Variants in CCDC97 observed in about 807,000 individuals in gnomAD.
CCDC97 encodes the protein coiled-coil domain-containing protein 97.
CCDC97 carries 27 observed loss-of-function variants against 33.9 expected under a neutral mutation model. The observed-to-expected ratio is 0.80, with a 90% confidence interval of 0.59 to 1.10. The LOEUF (loss-of-function observed/expected upper bound fraction) is 1.10, where lower values mean the gene tolerates loss of function less well. Ranked by LOEUF, CCDC97 falls within the 50% of genes least tolerant of loss-of-function variation. The probability of loss-of-function intolerance (pLI) is 0.00; values close to 1 mark genes in which losing one functional copy is unlikely to be tolerated. For synonymous variants in CCDC97, 217 were observed against 194.0 expected, an observed-to-expected ratio of 1.12 and a Z score of -0.99; for missense variants, 422 against 476.6, an observed-to-expected ratio of 0.89 and a Z score of 1.07.
Position 41,324,261 on chromosome 19 carries a change from T to G in CCDC97, c.*1546T>G, listed in dbSNP as rs889028996. The G allele has an allele frequency of 9.2e-5, 14 of 152,324 alleles. No individual in the cohort carries two copies. The highest frequency in any genetic ancestry group is 3.4e-4 in the African/African-American group (14 of 41,554). The allele number at this position is 152,324 out of a possible 1,614,324, so 9.4% of individuals were successfully genotyped here. ...AAGTGCCTGACACCGGGTTGGATCC[T>G]CAGATGGCCCCATGAACTAGTGAAG... On this transcript the variant is annotated 3_prime_UTR_variant, in exon 5 of 5. Transcript: ENST00000269967.
At chr19:41,320,001 C>T (rs2037802719) in intron 3 of CCDC97, 149 bp downstream of exon 3, 9 of 607,094 alleles carry the variant, frequency 1.5e-5, no homozygotes, top group Non-Finnish European at 2.6e-5. Context: ...CTGTGTATGC[C>T]CTTCCAACCG....
chr19:41,316,322 C>A (rs11667158), intron 1 of CCDC97, 62 bp from the exon 2 acceptor site: 1 of 1,336,756 alleles, frequency 7.5e-7, no homozygotes, highest in South Asian at 1.3e-5. Context: ...GAGTGAGTGA[C>A]TAAGCCCCCA....
chr19:41,319,060 G>A (rs761737225), intron 2 of CCDC97, among the ~76,000 whole-genome samples: 69 of 152,348 alleles, frequency 4.5e-4, no homozygotes, highest in Admixed American at 8.5e-4. Context: ...GGACATGTGT[G>A]TGTACATAGG....
rs1047692209 is a variant in CCDC97 at position 41,318,384 on chromosome 19, G to A, written c.503-1190G>A. On this transcript the variant is annotated intron_variant, in intron 2 of 4. Transcript: ENST00000269967. Reference sequence around the variant, plus strand: ...GGAGAATCACTTGAACCCGGGAGGCGGAGGTTGCAGTTAGAGTTAATCGAG... The same window carrying A: ...GGAGAATCACTTGAACCCGGGAGGCAGAGGTTGCAGTTAGAGTTAATCGAG... Among the ~76,000 whole-genome samples the A allele has an allele frequency of 3.3e-5, 5 of 152,260 alleles. No individual in the cohort carries two copies. In the South Asian group the frequency reaches 6.2e-4, roughly 19 times the overall value.
chr19:41,313,674 G>C (rs1203882733), intron 1 of CCDC97, among the ~76,000 whole-genome samples: 1 of 152,106 alleles, frequency 6.6e-6, no homozygotes, highest in Non-Finnish European at 1.5e-5. Context: ...GTCTCACCAA[G>C]GTTTGCCCAG....
intron 2 of CCDC97, among the ~76,000 whole-genome samples, chr19:41,319,350 T>C (rs1302777206): frequency 1.3e-5 from 2 of 152,136 alleles, no homozygotes; most frequent in South Asian, 2.1e-4. Flanking sequence ...TTCACGTGCA[T>C]GCCTCAGGCG....
At chr19:41,319,944 A>C in intron 3 of CCDC97, 92 bp downstream of exon 3, 4 of 660,718 alleles carry the variant, frequency 6.1e-6, no homozygotes, top group Non-Finnish European at 1.0e-5. Flanking sequence ...TGGGCCCCCA[A>C]CCTGCAAAAG....
At position 41,310,175 on chromosome 19, in the gene CCDC97, C is replaced by G. The variant is rs2037661647; in HGVS notation, c.-136C>G. 7.9e-7 allele frequency: 1 copy of G among 1,269,082 alleles called. No homozygotes were observed. The highest frequency in any genetic ancestry group is 1.3e-5 in the South Asian group (1 of 74,312). 78.6% of individuals were successfully genotyped at this position (1,269,082 alleles called of 1,614,324 possible). A position where few individuals can be genotyped will look rare whatever the true frequency, so the allele number is the denominator to read the frequency against. On this transcript the variant is annotated 5_prime_UTR_variant, in exon 1 of 5. Transcript: ENST00000269967. ...TGCGCAATGCAACGTCTGCCTTAGG[C>G]CCGGAACTTCGGTGCCTGGGCGCAG...
At chr19:41,312,786 G>A (rs536601471) in intron 1 of CCDC97, among the ~76,000 whole-genome samples, 1 of 151,846 alleles carries the variant, frequency 6.6e-6, no homozygotes, top group Admixed American at 6.6e-5. Context: ...CCCTTTTGAC[G>A]TTGCCTTCTT....
rs780593442 is a variant in CCDC97 at position 41,322,664 on chromosome 19, T to C, written c.981T>C (p.Phe327=). The change falls in exon 5 of 5, where the codon TTT becomes TTC. Residue 327 remains phenylalanine (F), a synonymous_variant. Transcript: ENST00000269967. ...CACGGGATGAGGAGGAGAGGTACTT[T>C]GATGAGGAAGAACCTGAGGATGCGC... ...IVARDEEERY[F]DEEEPEDAPS... is the part of the protein sequence containing the mutation. 1.2e-6 allele frequency: 2 copies of C among 1,612,992 alleles called. No individual in the cohort carries two copies. Among genetic ancestry groups the C allele is most frequent in the South Asian group, 2.2e-5 (2 of 91,016 alleles).
In CCDC97 at chr19:41,323,545, C is replaced by G. The variant is rs1431380964; in HGVS notation, c.*830C>G. 6.5e-6 allele frequency: 1 copy of G among 153,260 alleles called. No homozygotes were observed. Among genetic ancestry groups the G allele is most frequent in the African/African-American group, 2.4e-5 (1 of 41,418 alleles). 9.5% of individuals were successfully genotyped at this position (153,260 alleles called of 1,614,324 possible). A position where few individuals can be genotyped will look rare whatever the true frequency, so the allele number is the denominator to read the frequency against. On this transcript the variant is annotated 3_prime_UTR_variant, in exon 5 of 5. Coordinates refer to ENST00000269967, the MANE Select transcript of CCDC97 (RefSeq NM_052848.3). ...AGGATGGGGGCAGCTCTCTTCTCTC[C>G]CCAGGACCCAGGCTGTGGATCACGG...
At chr19:41,317,330 C>T (rs2037760945) in intron 2 of CCDC97, among the ~76,000 whole-genome samples, 1 of 152,104 alleles carries the variant, frequency 6.6e-6, no homozygotes, top group Non-Finnish European at 1.5e-5. Flanking sequence ...TCCTTGTGAC[C>T]ACAACACCAG....
At chr19:41,311,701 T>TA (rs1253722558) in intron 1 of CCDC97, among the ~76,000 whole-genome samples, 1 of 151,644 alleles carries the variant, frequency 6.6e-6, no homozygotes, top group Non-Finnish European at 1.5e-5. Context: ...CGCACCACTG[T>TA]ACTCCAGTCT....
chr19:41,321,970 C>A (rs1004606138), intron 4 of CCDC97, among the ~76,000 whole-genome samples: 1 of 152,176 alleles, frequency 6.6e-6, no homozygotes, highest in Non-Finnish European at 1.5e-5. Flanking sequence ...CCAGTGATGA[C>A]GTCAAAATGT....
At chr19:41,322,479 T>G in intron 4 of CCDC97, 116 bp from the exon 5 acceptor site, 1 of 1,122,408 alleles carries the variant, frequency 8.9e-7, no homozygotes, top group East Asian at 2.5e-5. Context: ...CTTGGGAGGG[T>G]CAGCTCTGAC....
In CCDC97 at chr19:41,320,434, G is replaced by A. The variant is rs372224178; in HGVS notation, c.875G>A (p.Arg292His). ...GAGTTCACCAGCCGCATGCACCAGCGCTTCCTAGATGGCAAGGACGGGGAC... is the reference window on the plus strand; with the variant it reads ...GAGTTCACCAGCCGCATGCACCAGCACTTCCTAGATGGCAAGGACGGGGAC... ...REEFTSRMHQ[R>H]FLDGKDGDFD... is the part of the protein sequence containing the mutation. The change falls in exon 4 of 5, where the codon CGC (arginine) becomes CAC (histidine). Residue 292 changes from arginine (R) to histidine (H), a missense_variant. Coordinates refer to ENST00000269967, the MANE Select transcript of CCDC97 (RefSeq NM_052848.3). The A allele has an allele frequency of 2.0e-5, 33 of 1,613,992 alleles. No homozygotes were observed. Among genetic ancestry groups the A allele is most frequent in the East Asian group, 2.2e-5 (1 of 44,894 alleles).
intron 1 of CCDC97, among the ~76,000 whole-genome samples, chr19:41,312,810 G>A (rs570132909): frequency 3.3e-5 from 5 of 152,010 alleles, no homozygotes; most frequent in Admixed American, 3.3e-4. Flanking sequence ...TTTTAAGACG[G>A]AGTCTCGCTC....
At position 41,322,478 on chromosome 19, in the gene CCDC97, G is replaced by T. The variant is rs1255930568; in HGVS notation, c.912-117G>T. ...TTTAAACACTATCTCCCTTGGGAGG[G>T]TCAGCTCTGACGGCTGCCAGCACAT... On this transcript the variant is annotated intron_variant, in intron 4 of 4. Coordinates refer to ENST00000269967, the MANE Select transcript of CCDC97 (RefSeq NM_052848.3). 6.3e-6 allele frequency: 7 copies of T among 1,116,718 alleles called. No homozygotes were observed. The Admixed American group carries it at 1.6e-4, about 25-fold the overall frequency. The allele number at this position is 1,116,718 out of a possible 1,614,324, so 69.2% of individuals were successfully genotyped here.
In CCDC97 at chr19:41,322,766, G is replaced by A; in HGVS notation, c.*51G>A. Reference sequence around the variant, plus strand: ...CCCCATCCCCATCCCCAACAAGGCAGCTGATTCCAGGCCTGCTCAGTGACC... The same window carrying A: ...CCCCATCCCCATCCCCAACAAGGCAACTGATTCCAGGCCTGCTCAGTGACC... On this transcript the variant is annotated 3_prime_UTR_variant, in exon 5 of 5. Coordinates refer to ENST00000269967, the MANE Select transcript of CCDC97 (RefSeq NM_052848.3). 1 of 1,596,084 alleles carries A rather than the reference G, an allele frequency of 6.3e-7. No individual in the cohort carries two copies. The highest frequency in any genetic ancestry group is 8.5e-7 in the Non-Finnish European group (1 of 1,170,202).
Sources: gnomAD v4.1 joint callset for allele counts (sites outside exome capture counted in the v4.1 genomes callset) on GRCh38, gnomAD v4.1.1 for gene constraint, MANE v1.5 for transcripts, NCBI Gene and HGNC (gene_info 2026-07-23, HGNC 2026-07-21) for gene names.